SPATA18: variants seen among roughly 807,000 people sequenced by gnomAD.
SPATA18 encodes spermatogenesis associated 18.
SPATA18 carries 54 observed loss-of-function variants against 68.1 expected under a neutral mutation model. That is an observed-to-expected ratio of 0.79 (90% CI 0.64 to 0.99). The LOEUF is 0.99. SPATA18 is among the 50% of genes least tolerant of loss of function. SPATA18 has a pLI of 0.00. For synonymous variants in SPATA18, 242 were observed against 244.8 expected, an observed-to-expected ratio of 0.99 and a Z score of 0.11; for missense variants, 724 against 681.1, an observed-to-expected ratio of 1.06 and a Z score of -0.70.
intron 1 of SPATA18, among the ~76,000 whole-genome samples, chr4:52,059,480 A>G (rs1386244513): frequency 6.6e-6 from 1 of 152,234 alleles, no homozygotes; most frequent in African/African-American, 2.4e-5. Context: ...AATAATAGCT[A>G]AAAGGTTCAC....
At chr4:52,056,532 C>G (rs1164757978) in intron 1 of SPATA18, among the ~76,000 whole-genome samples, 1 of 147,536 alleles carries the variant, frequency 6.8e-6, no homozygotes, top group Non-Finnish European at 1.5e-5. Context: ...ACTGGACATT[C>G]CATCCGAAGG....
chr4:52,089,844 T>A (rs1304086675), intron 11 of SPATA18, among the ~76,000 whole-genome samples: 1 of 152,146 alleles, frequency 6.6e-6, no homozygotes, highest in Non-Finnish European at 1.5e-5. Flanking sequence ...TCCTTGTTCA[T>A]TTTCTGTCTC....
intron 1 of SPATA18, among the ~76,000 whole-genome samples, chr4:52,058,807 G>T (rs1738577840): frequency 6.6e-6 from 1 of 152,160 alleles, no homozygotes; most frequent in South Asian, 2.1e-4. Flanking sequence ...GGCTGCTGGG[G>T]TCCAATCTCA....
At chr4:52,055,067 AT>A (rs928386774) in intron 1 of SPATA18, among the ~76,000 whole-genome samples, 1 of 152,050 alleles carries the variant, frequency 6.6e-6, no homozygotes, top group Non-Finnish European at 1.5e-5. Flanking sequence ...AACTAGCAGT[AT>A]TTTTGCAGCA....
intron 11 of SPATA18, among the ~76,000 whole-genome samples, chr4:52,093,602 G>A (rs1742168275): frequency 6.6e-6 from 1 of 152,176 alleles, no homozygotes; most frequent in Non-Finnish European, 1.5e-5. Context: ...GCATGATACT[G>A]AGAGAACCAG....
rs1302171140 is a variant in SPATA18, at chr4:52,095,765, C to G, written c.*878C>G. On this transcript the variant is annotated 3_prime_UTR_variant, in exon 13 of 13. Coordinates refer to ENST00000295213, the MANE Select transcript of SPATA18 (RefSeq NM_145263.4). ...GCAAATTCAGACCTCCTATTGAACT[C>G]TGTCTGACCAAAACTACTTAAACTC... is the stretch of plus-strand genomic sequence containing the variant. 6.6e-6 allele frequency: 1 copy of G among 152,178 alleles called. No homozygotes were observed. The highest frequency in any genetic ancestry group is 1.5e-5 in the Non-Finnish European group (1 of 68,038). 9.4% of individuals were successfully genotyped at this position (152,178 alleles called of 1,614,324 possible).
Position 52,056,824 on chromosome 4 carries a change from G to A in SPATA18, c.88-3595G>A, listed in dbSNP as rs900938915. ...GTCTGCTTTTGCCAGACAGATTTTTGTAACATGCAAAGCAAATATGAGCAT... is the reference window on the plus strand; with the variant it reads ...GTCTGCTTTTGCCAGACAGATTTTTATAACATGCAAAGCAAATATGAGCAT... On this transcript the variant is annotated intron_variant, in intron 1 of 12. Coordinates refer to ENST00000295213, the MANE Select transcript of SPATA18 (RefSeq NM_145263.4). Among the ~76,000 whole-genome samples the A allele has an allele frequency of 2.6e-5, 4 of 152,210 alleles. 1 individual carries two copies.
intron 11 of SPATA18, among the ~76,000 whole-genome samples, chr4:52,094,162 C>A (rs1450213436): frequency 1.3e-5 from 2 of 152,074 alleles, no homozygotes; most frequent in African/African-American, 2.4e-5. Flanking sequence ...TGCCTGGTGA[C>A]CCTTCTTAAT....
At position 52,060,461 on chromosome 4, in the gene SPATA18, A is replaced by G. The variant is rs892012106; in HGVS notation, c.130A>G (p.Ile44Val). The G allele has an allele frequency of 2.5e-6, 4 of 1,613,788 alleles. No individual in the cohort carries two copies. The African/African-American group carries it at 5.3e-5, about 22-fold the overall frequency. The change falls in exon 2 of 13, where the codon ATT becomes GTT. Residue 44 changes from isoleucine (I) to valine (V), a missense_variant. Ile to Val is a conservative substitution (Grantham distance 29, BLOSUM62 3). Transcript: ENST00000295213. ...DQNLNHCLEL[I>V]EQVAKVQGQL... ...AAATCTAAACCATTGCCTTGAACTC[A>G]TTGAGCAAGTTGCCAAGGTGCAGGG...
At position 52,051,796 on chromosome 4, in the gene SPATA18, G is replaced by A; in HGVS notation, c.87+5G>A. The A allele has an allele frequency of 6.2e-7, 1 of 1,613,622 alleles. No individual in the cohort carries two copies. Among genetic ancestry groups the A allele is most frequent in the Non-Finnish European group, 8.5e-7 (1 of 1,179,916 alleles). ...TTCTGGCTGAAGGAGTACAACGTGA[G>A]TCTGGGTGAAAAACCCCCGGGGTTC... On this transcript the variant is annotated splice_donor_5th_base_variant and intron_variant, in intron 1 of 12. Transcript: ENST00000295213.
intron 11 of SPATA18, among the ~76,000 whole-genome samples, chr4:52,092,403 A>C (rs1262486924): frequency 6.6e-6 from 1 of 152,234 alleles, no homozygotes. Context: ...GGACAAGCGC[A>C]GCATCTGTGC....
chr4:52,073,284 T>C (rs1740027432), intron 6 of SPATA18, among the ~76,000 whole-genome samples: 1 of 152,236 alleles, frequency 6.6e-6, no homozygotes, highest in East Asian at 1.9e-4. Flanking sequence ...TACTCAGTTT[T>C]GCAATACCTT....
chr4:52,061,458 G>T (rs1351343607), intron 3 of SPATA18, among the ~76,000 whole-genome samples: 3 of 149,630 alleles, frequency 2.0e-5, no homozygotes, highest in Non-Finnish European at 4.4e-5. Flanking sequence ...CCTGCACATT[G>T]TGCATGTGTA....
chr4:52,079,795 G>C lies in SPATA18; in HGVS notation c.1231G>C (p.Val411Leu), dbSNP rs149967303. ...VNPKISFPPVVDFCLLSDFIQ... is the reference protein window; with the variant it reads ...VNPKISFPPVLDFCLLSDFIQ... ...TCCCAAGATTTCATTCCCTCCTGTC[G>C]TTGACTTTTGCCTTCTCAGTGACTT... The change falls in exon 9 of 13, where the codon GTT becomes CTT. Residue 411 changes from valine to leucine, a missense_variant. By Grantham distance (32) the Val-to-Leu change is conservative. Coordinates refer to ENST00000295213, the MANE Select transcript of SPATA18 (RefSeq NM_145263.4). The C allele has an allele frequency of 1.2e-6, 2 of 1,613,832 alleles. No individual in the cohort carries two copies. Among genetic ancestry groups the C allele is most frequent in the African/African-American group, 2.7e-5 (2 of 74,892 alleles).
chr4:52,071,998 T>C lies in SPATA18; in HGVS notation c.600T>C (p.Pro200=), dbSNP rs1739890132. ...QRSSENRRSE[P]WSLEERKREQ... ...GCTCAGAGAATAGGCGGTCAGAGCC[T>C]TGGAGCTTGGAGGAGCGGAAGCGTG... Residue 200 remains proline (P), a synonymous_variant, in exon 6 of 13, where the codon CCT becomes CCC. Coordinates refer to ENST00000295213, the MANE Select transcript of SPATA18 (RefSeq NM_145263.4). 6.2e-7 allele frequency: 1 copy of C among 1,613,806 alleles called. No individual in the cohort carries two copies. The highest frequency in any genetic ancestry group is 8.5e-7 in the Non-Finnish European group (1 of 1,180,020).
chr4:52,069,453 T>C (rs1173837443), intron 4 of SPATA18, among the ~76,000 whole-genome samples: 2 of 152,132 alleles, frequency 1.3e-5, no homozygotes, highest in Non-Finnish European at 2.9e-5. Context: ...TATAGAAAAG[T>C]GGAGATTTTG....
Position 52,069,861 on chromosome 4 carries a change from A to T in SPATA18, c.463A>T (p.Arg155Ter). 6.2e-7 allele frequency: 1 copy of T among 1,600,172 alleles called. No homozygotes were observed. Among genetic ancestry groups the T allele is most frequent in the Non-Finnish European group, 8.5e-7 (1 of 1,171,336 alleles). ...AAAGAATCTTGAAGAAAGCAAGAACAGATCGGCCATATCCCTTTTGGCTGC... is the reference window on the plus strand; with the variant it reads ...AAAGAATCTTGAAGAAAGCAAGAACTGATCGGCCATATCCCTTTTGGCTGC... ...TEKNLEESKNRSAISLLAAEE... is the reference protein window; with the variant it reads ...TEKNLEESKN The change falls in exon 5 of 13, where the codon AGA (arginine) becomes TGA (stop). Residue 155 changes from arginine (R) to a stop codon, truncating the protein, a stop_gained. Transcript: ENST00000295213. LOFTEE classifies it high-confidence loss of function.
At position 52,060,787 on chromosome 4, in the gene SPATA18, C is replaced by T. The variant is rs200997138; in HGVS notation, c.199C>T (p.Arg67Cys). 82 of 1,613,444 alleles carry T rather than the reference C, an allele frequency of 5.1e-5. No individual in the cohort carries two copies. The African/African-American group carries it at 7.7e-4, about 15-fold the overall frequency. Residue 67 changes from arginine (R) to cysteine (C), a missense_variant, in exon 3 of 13, where the codon CGT becomes TGT. Coordinates refer to ENST00000295213, the MANE Select transcript of SPATA18 (RefSeq NM_145263.4). ...CTCGTCATTTAACATTTTAGGAGGA[C>T]GTAATGATGGTGTGGAAACAATCAA... ...ILTAAAQEGG[R>C]NDGVETIKSR...
At position 52,061,524 on chromosome 4, in the gene SPATA18, AG is replaced by A. The variant is rs1457866663; in HGVS notation, c.309+628del. On this transcript the variant is annotated intron_variant, in intron 3 of 12. Coordinates refer to ENST00000295213, the MANE Select transcript of SPATA18 (RefSeq NM_145263.4). ...TAATAATAATAATAATAATAATAACAGAAAGAAAGCATTTAGTCTGTTCTGA... is the reference window on the plus strand; with the variant it reads ...TAATAATAATAATAATAATAATAACAAAAGAAAGCATTTAGTCTGTTCTGA... Among the ~76,000 whole-genome samples, 43 of 151,050 alleles carry A rather than the reference AG, an allele frequency of 2.8e-4. No individual in the cohort carries two copies. In the East Asian group the frequency reaches 5.0e-3, roughly 18 times the overall value.
Sources: allele counts gnomAD v4.1 joint callset (sites outside exome capture counted in the v4.1 genomes callset), GRCh38; gene constraint gnomAD v4.1.1; transcripts MANE v1.5; gene names NCBI Gene and HGNC (gene_info 2026-07-23, HGNC 2026-07-21).